ZNF37A: variants seen among roughly 807,000 people sequenced by gnomAD.
ZNF37A encodes zinc finger protein 37a (KOX 21).
Under a neutral mutation model 12.3 loss-of-function variants are expected in ZNF37A, and 10 were observed. The observed-to-expected ratio is 0.82, with a 90% CI of 0.50 to 1.38. The LOEUF (loss-of-function observed/expected upper bound fraction) is 1.38, where lower values mean the gene tolerates loss of function less well. Among genes scored for constraint, ZNF37A ranks in the 40% most tolerant of loss-of-function variants. The pLI is 0.00. For missense variants in ZNF37A, 580 were observed against 651.2 expected (o/e 0.89, Z 1.19); for synonymous variants, 207 against 223.0 (o/e 0.93, Z 0.64).
At chr10:38,111,053 G>A (rs1243271348) in intron 5 of ZNF37A, among the ~76,000 whole-genome samples, 1 of 152,070 alleles carries the variant, frequency 6.6e-6, no homozygotes, top group African/African-American at 2.4e-5. Flanking sequence ...TTGTGGCACT[G>A]TTCACAATAG....
chr10:38,098,974 A>G (rs1226925338), intron 5 of ZNF37A, among the ~76,000 whole-genome samples: 2 of 152,124 alleles, frequency 1.3e-5, no homozygotes, highest in Non-Finnish European at 2.9e-5. Flanking sequence ...TGGATACTTC[A>G]GTATTTTTTG....
At position 38,119,456 on chromosome 10, in the gene ZNF37A, G is replaced by C; in HGVS notation, c.*619G>C. The C allele has an allele frequency of 1.1e-6, 1 of 932,474 alleles. No homozygotes were observed. The highest frequency in any genetic ancestry group is 1.3e-6 in the Non-Finnish European group (1 of 781,648). 57.8% of individuals were successfully genotyped at this position (932,474 alleles called of 1,614,324 possible). ...AGAAGTAGCTTCTCAGTGAACATCA[G>C]ATAGTAGAGAAAGTATTTTTAACTG... is the stretch of plus-strand genomic sequence containing the variant. On this transcript the variant is annotated 3_prime_UTR_variant, in exon 8 of 8. Coordinates refer to ENST00000685332, the MANE Select transcript of ZNF37A (RefSeq NM_001324250.3).
intron 7 of ZNF37A, among the ~76,000 whole-genome samples, chr10:38,136,082 T>G (rs1348851551): frequency 6.6e-6 from 1 of 152,200 alleles, no homozygotes; most frequent in East Asian, 1.9e-4. Flanking sequence ...TTCATTTATA[T>G]CTCATTCATG....
intron 7 of ZNF37A, chr10:38,139,280 G>A (rs2070150331): frequency 6.8e-6 from 1 of 147,160 alleles, no homozygotes; most frequent in Admixed American, 6.8e-5. Flanking sequence ...CTTATTATGT[G>A]TTTTTTTTTT....
Position 38,149,571 on chromosome 10 carries a change from C to CTTTTTTTTTTTT in ZNF37A, c.*2761_*2772dup, listed in dbSNP as rs549404724. On this transcript the variant is annotated 3_prime_UTR_variant, in exon 8 of 8. Transcript: ENST00000638053. The stretch of plus-strand genomic sequence containing the variant: ...CACCTTCCAACATTCTACAGTTGTG[C>CTTTTTTTTTTTT]TTTTTTTTTTTTTTTTTTTTTGAGA... 9 of 95,706 alleles carry CTTTTTTTTTTTT rather than the reference C, an allele frequency of 9.4e-5. 1 individual carries two copies. Among genetic ancestry groups the CTTTTTTTTTTTT allele is most frequent in the African/African-American group, 1.6e-4 (4 of 24,406 alleles). 5.9% of individuals were successfully genotyped at this position (95,706 alleles called of 1,614,324 possible).
At chr10:38,131,474 T>C (rs1264259783) in intron 7 of ZNF37A, among the ~76,000 whole-genome samples, 1 of 152,192 alleles carries the variant, frequency 6.6e-6, no homozygotes, top group Non-Finnish European at 1.5e-5. Flanking sequence ...GGCCTCTGCA[T>C]CTTTGTCAAA....
At chr10:38,096,386 A>G (rs948544737) in intron 4 of ZNF37A, among the ~76,000 whole-genome samples, 188 bp from the exon 5 acceptor site, 7 of 152,342 alleles carry the variant, frequency 4.6e-5, no homozygotes, top group African/African-American at 1.7e-4. Flanking sequence ...AGTACAGCAT[A>G]AATTGTTTTT....
chr10:38,112,894 G>A (rs1196584030), intron 5 of ZNF37A, among the ~76,000 whole-genome samples: 1 of 151,758 alleles, frequency 6.6e-6, no homozygotes, highest in Non-Finnish European at 1.5e-5. Context: ...TGCACACTCC[G>A]CCTCCCAGGT....
intron 5 of ZNF37A, among the ~76,000 whole-genome samples, chr10:38,105,680 T>A (rs1223305276): frequency 1.3e-5 from 2 of 152,180 alleles, no homozygotes; most frequent in Non-Finnish European, 2.9e-5. Context: ...TGCAATGGTA[T>A]TAGATTTCAA....
intron 7 of ZNF37A, 114 bp from the exon 8 acceptor site, chr10:38,117,276 C>T: frequency 6.8e-7 from 1 of 1,470,272 alleles, no homozygotes; most frequent in Non-Finnish European, 9.0e-7. Flanking sequence ...ATTGTCATAA[C>T]ATAGGTATGA....
chr10:38,132,044 T>C, intron 7 of ZNF37A, among the ~76,000 whole-genome samples: 1 of 152,158 alleles, frequency 6.6e-6, no homozygotes, highest in Admixed American at 6.5e-5. Context: ...ATTCTACATA[T>C]AGGTTCATGT....
In ZNF37A at chr10:38,122,380, C is replaced by T. The variant is rs544822565; in HGVS notation, c.*3543C>T. 1.3e-5 allele frequency: 2 copies of T among 152,124 alleles called. No individual in the cohort carries two copies. The highest frequency in any genetic ancestry group is 4.1e-4 in the South Asian group (2 of 4,828). The allele number at this position is 152,124 out of a possible 1,614,324, so 9.4% of individuals were successfully genotyped here. A position where few individuals can be genotyped will look rare whatever the true frequency, so the allele number is the denominator to read the frequency against. Reference sequence around the variant, plus strand: ...GGAACCACAAAAGACTTAGAATAGTCAGCTATCCTGAGCAAAAGGAATCAA... The same window carrying T: ...GGAACCACAAAAGACTTAGAATAGTTAGCTATCCTGAGCAAAAGGAATCAA... On this transcript the variant is annotated 3_prime_UTR_variant, in exon 8 of 8. Transcript: ENST00000685332.
intron 5 of ZNF37A, among the ~76,000 whole-genome samples, chr10:38,107,975 CT>C (rs35894133): frequency 0.41 from 62,388 of 151,790 alleles, 13,007 homozygotes; most frequent in East Asian, 0.5. Context: ...ATATTCAGAA[CT>C]TTAACTCAGC....
At chr10:38,099,901 G>T (rs983527481) in intron 5 of ZNF37A, among the ~76,000 whole-genome samples, 1 of 152,196 alleles carries the variant, frequency 6.6e-6, no homozygotes, top group Non-Finnish European at 1.5e-5. Context: ...TCATAAGCTT[G>T]TTGACCATTT....
At chr10:38,127,478 C>T (rs2069944677), downstream of ZNF37A, among the ~76,000 whole-genome samples, 1 of 152,092 alleles carries the variant, frequency 6.6e-6, no homozygotes, top group Non-Finnish European at 1.5e-5. Flanking sequence ...TTAAATGAAA[C>T]CAGTAATGTT....
intron 5 of ZNF37A, among the ~76,000 whole-genome samples, chr10:38,104,635 G>A (rs2505196): frequency 0.41 from 62,386 of 151,706 alleles, 13,014 homozygotes; most frequent in East Asian, 0.5. Context: ...TCTACCATTA[G>A]CCATTTCTCC....
At chr10:38,104,773 C>CGT (rs926637647) in intron 5 of ZNF37A, among the ~76,000 whole-genome samples, 1 of 146,988 alleles carries the variant, frequency 6.8e-6, no homozygotes, top group Non-Finnish European at 1.5e-5. Context: ...TGTATGTATA[C>CGT]ATACACACAC....
intron 5 of ZNF37A, among the ~76,000 whole-genome samples, chr10:38,104,860 G>A (rs763684359): frequency 5.3e-5 from 8 of 152,004 alleles, no homozygotes; most frequent in South Asian, 2.1e-4. Flanking sequence ...ATGAGTTTAC[G>A]TAGACATTTC....
In ZNF37A at chr10:38,114,677, A is replaced by AGAATT. The variant is rs1464041839; in HGVS notation, c.16-77_16-73dup. On this transcript the variant is annotated intron_variant, in intron 5 of 7. Transcript: ENST00000685332. ...TTAATTTTCAACAATAAAAATGGTA[A>AGAATT]GAATTAGTCCCTAAACATCTTTTTT... 6.3e-6 allele frequency: 10 copies of AGAATT among 1,578,924 alleles called. No homozygotes were observed. The African/African-American group carries it at 1.2e-4, about 19-fold the overall frequency.
Sources: gnomAD v4.1 joint callset for allele counts (sites outside exome capture counted in the v4.1 genomes callset) on GRCh38, gnomAD v4.1.1 for gene constraint, MANE v1.5 for transcripts, NCBI Gene and HGNC (gene_info 2026-07-23, HGNC 2026-07-21) for gene names.